KCTD16: variants seen among roughly 807,000 people sequenced by gnomAD.
KCTD16 encodes potassium channel tetramerization domain containing 16, also known as BTB/POZ domain-containing protein KCTD16.
In KCTD16, 13 loss-of-function variants were observed where a neutral mutation model predicts 33.2. The ratio of observed to expected loss-of-function variants is 0.39; its 90% CI spans 0.25 to 0.62. The LOEUF (loss-of-function observed/expected upper bound fraction) is 0.62, where lower values mean the gene tolerates loss of function less well. Among genes scored for constraint, KCTD16 ranks in the 20% least tolerant of loss-of-function variants. KCTD16 has a pLI of 0.50. For synonymous variants in KCTD16, 197 were observed against 195.3 expected (o/e 1.01, Z -0.07); for missense variants, 441 against 525.1 (o/e 0.84, Z 1.57).
chr5:144,281,078 A>G (rs1451387686), intron 3 of KCTD16, among the ~76,000 whole-genome samples: 1 of 149,610 alleles, frequency 6.7e-6, no homozygotes, highest in African/African-American at 2.5e-5. Context: ...GCTACTCGGG[A>G]GGCTGAAGCA....
intron 3 of KCTD16, among the ~76,000 whole-genome samples, chr5:144,283,198 C>A (rs1211979872): frequency 1.3e-5 from 2 of 152,170 alleles, no homozygotes; most frequent in Admixed American, 1.3e-4. Flanking sequence ...CTAATTACAT[C>A]TGCTGCATGG....
rs1485216072 is a variant in KCTD16, at chr5:144,479,865, G to A, written c.*5751G>A. The A allele has an allele frequency of 6.6e-6, 1 of 151,856 alleles. No individual in the cohort carries two copies. Among genetic ancestry groups the A allele is most frequent in the African/African-American group, 2.4e-5 (1 of 41,344 alleles). 9.4% of individuals were successfully genotyped at this position (151,856 alleles called of 1,614,324 possible). On this transcript the variant is annotated 3_prime_UTR_variant, in exon 4 of 4. Coordinates refer to ENST00000512467, the MANE Select transcript of KCTD16 (RefSeq NM_020768.4). ...TGTGCCTGGCCTAGCAACTATCAAG[G>A]GCTTGTCCTGGAGGAGGGTGGGGGT...
chr5:144,346,505 C>T (rs1164763083), intron 3 of KCTD16, among the ~76,000 whole-genome samples: 1 of 152,194 alleles, frequency 6.6e-6, no homozygotes, highest in African/African-American at 2.4e-5. Flanking sequence ...CTTTTCTCCA[C>T]ATCCTCGCCA....
chr5:144,223,208 G>A (rs1046510717), intron 3 of KCTD16, among the ~76,000 whole-genome samples: 1 of 151,938 alleles, frequency 6.6e-6, no homozygotes, highest in African/African-American at 2.4e-5. Flanking sequence ...CGAGTTAATG[G>A]GTGCAGCACA....
At chr5:144,225,971 A>G (rs567401995) in intron 3 of KCTD16, among the ~76,000 whole-genome samples, 27 of 152,222 alleles carry the variant, frequency 1.8e-4, no homozygotes, top group Non-Finnish European at 3.2e-4. Flanking sequence ...TTAAAAACCA[A>G]TTGCCTTTCT....
At chr5:144,411,098 T>A (rs532959599) in intron 3 of KCTD16, among the ~76,000 whole-genome samples, 1 of 152,292 alleles carries the variant, frequency 6.6e-6, no homozygotes, top group South Asian at 2.1e-4. Flanking sequence ...ATTGTTAAAA[T>A]GACACTACTA....
At chr5:144,179,690 C>T (rs887535140) in intron 2 of KCTD16, among the ~76,000 whole-genome samples, 2 of 152,136 alleles carry the variant, frequency 1.3e-5, no homozygotes, top group Non-Finnish European at 2.9e-5. Context: ...CTTTGCCTTT[C>T]GGCTAGTACA....
rs867142715 is a variant in KCTD16, at chr5:144,476,987, A to G, written c.*2873A>G. 1 of 152,120 alleles carries G rather than the reference A, an allele frequency of 6.6e-6. No individual in the cohort carries two copies. The highest frequency in any genetic ancestry group is 6.6e-5 in the Admixed American group (1 of 15,266). The allele number at this position is 152,120 out of a possible 1,614,324, so 9.4% of individuals were successfully genotyped here. A position where few individuals can be genotyped will look rare whatever the true frequency, so the allele number is the denominator to read the frequency against. ...TATTGAGTGGATACAATGAATGGGG[A>G]ATCACATGTGTAGAGCCCCAACTTA... On this transcript the variant is annotated 3_prime_UTR_variant, in exon 4 of 4. Transcript: ENST00000512467.
chr5:144,381,918 A>C (rs1752224057), intron 3 of KCTD16, among the ~76,000 whole-genome samples: 1 of 152,184 alleles, frequency 6.6e-6, no homozygotes, highest in Non-Finnish European at 1.5e-5. Flanking sequence ...AAGAAGCCAC[A>C]TGCACCCATA....
At chr5:144,183,542 A>G (rs1236982043) in intron 2 of KCTD16, among the ~76,000 whole-genome samples, 3 of 152,164 alleles carry the variant, frequency 2.0e-5, no homozygotes, top group African/African-American at 7.2e-5. Flanking sequence ...CTTGTGGAAT[A>G]TAAGAAGGAA....
intron 2 of KCTD16, among the ~76,000 whole-genome samples, chr5:144,175,410 TATCTAAA>T (rs1360159494): frequency 6.6e-6 from 1 of 152,230 alleles, no homozygotes; most frequent in Non-Finnish European, 1.5e-5. Flanking sequence ...TATACTAATT[TATCTAAA>T]ATGCGATTAC....
rs879222019 is a variant in KCTD16, at chr5:144,393,506, C to T, written c.833-80154C>T. ...CCTAGGCAACAAGTATAATTTGGGG[C>T]ACTCAAATATCTGTTCTTAGTTTTA... is the stretch of plus-strand genomic sequence containing the variant. On this transcript the variant is annotated intron_variant, in intron 3 of 3. Transcript: ENST00000512467. Among the ~76,000 whole-genome samples the T allele has an allele frequency of 4.6e-5, 7 of 152,040 alleles. No homozygotes were observed. The South Asian group carries it at 1.5e-3, about 32-fold the overall frequency.
intron 2 of KCTD16, among the ~76,000 whole-genome samples, chr5:144,186,069 A>G (rs1013157555): frequency 2.0e-5 from 3 of 152,176 alleles, no homozygotes; most frequent in Non-Finnish European, 4.4e-5. Flanking sequence ...GTATTCTAAC[A>G]TTTGAACACC....
At chr5:144,422,966 G>C (rs1753244061) in intron 3 of KCTD16, among the ~76,000 whole-genome samples, 1 of 152,128 alleles carries the variant, frequency 6.6e-6, no homozygotes, top group South Asian at 2.1e-4. Flanking sequence ...TCACATCATA[G>C]TAGCAAAGAT....
intron 3 of KCTD16, among the ~76,000 whole-genome samples, chr5:144,365,771 G>A (rs377088604): frequency 1.1e-5 from 1 of 93,404 alleles, no homozygotes; most frequent in Admixed American, 1.1e-4. Context: ...GCAGGTGAAG[G>A]TATATTAGAG....
Position 144,482,792 on chromosome 5 carries a change from T to C in KCTD16, c.*8678T>C, listed in dbSNP as rs926592360. On this transcript the variant is annotated 3_prime_UTR_variant, in exon 4 of 4. Coordinates refer to ENST00000512467, the MANE Select transcript of KCTD16 (RefSeq NM_020768.4). ...ATGTGTGTACATCTATCTTAATGTG[T>C]ATATATAAATATATATCTATAGCTG... 36 of 151,928 alleles carry C rather than the reference T, an allele frequency of 2.4e-4. No individual in the cohort carries two copies. The highest frequency in any genetic ancestry group is 6.7e-4 in the African/African-American group (28 of 41,502). 9.4% of individuals were successfully genotyped at this position (151,928 alleles called of 1,614,324 possible). A position where few individuals can be genotyped will look rare whatever the true frequency, so the allele number is the denominator to read the frequency against.
chr5:144,410,729 G>T (rs1752914579), intron 3 of KCTD16, among the ~76,000 whole-genome samples: 1 of 152,098 alleles, frequency 6.6e-6, no homozygotes, highest in African/African-American at 2.4e-5. Context: ...ATATACTGTT[G>T]GGAAAATAGC....
At chr5:144,368,746 G>A (rs77515303) in intron 3 of KCTD16, among the ~76,000 whole-genome samples, 4,061 of 152,222 alleles carry the variant, frequency 0.027, 84 homozygotes, top group African/African-American at 0.044. Context: ...AGTTACTGCA[G>A]GGATAGGAAA....
intron 2 of KCTD16, among the ~76,000 whole-genome samples, chr5:144,179,181 C>G (rs1487405751): frequency 6.6e-6 from 1 of 152,138 alleles, no homozygotes; most frequent in African/African-American, 2.4e-5. Flanking sequence ...TCACAGGTTC[C>G]TAAAGGTTTG....
Sources: allele counts gnomAD v4.1 joint callset (sites outside exome capture counted in the v4.1 genomes callset), GRCh38; gene constraint gnomAD v4.1.1; transcripts MANE v1.5; gene names NCBI Gene and HGNC (gene_info 2026-07-23, HGNC 2026-07-21).